KAZN: variants seen among roughly 807,000 people sequenced by gnomAD.
The protein encoded by KAZN is kazrin.
KAZN carries 40 observed loss-of-function variants against 87.4 expected under a neutral mutation model. That is an observed-to-expected ratio of 0.46 (90% CI 0.36 to 0.60). KAZN has a LOEUF of 0.60. Ranked by LOEUF, KAZN falls within the 20% of genes least tolerant of loss-of-function variation. KAZN has a pLI of 0.00. For missense variants in KAZN, 898 were observed against 1,073.9 expected, an observed-to-expected ratio of 0.84 and a Z score of 2.29; for synonymous variants, 466 against 458.3, an observed-to-expected ratio of 1.02 and a Z score of -0.22.
chr1:15,052,409 C>A lies in KAZN; in HGVS notation c.727-3682C>A, dbSNP rs12023519. On this transcript the variant is annotated intron_variant, in intron 4 of 14. Coordinates refer to ENST00000376030, the MANE Select transcript of KAZN (RefSeq NM_201628.3). ...CTTATTCACTGTCACAAGAACAGCA[C>A]GGGAAAAACCTGTCCCTATGATTCA... Among the ~76,000 whole-genome samples the A allele has an allele frequency of 4.3e-3, 652 of 152,170 alleles. 3 individuals carry two copies. Among genetic ancestry groups the A allele is most frequent in the South Asian group, 0.042 (204 of 4,820 alleles).
chr1:14,157,829 T>C (rs1310929100), intron 1 of KAZN, among the ~76,000 whole-genome samples: 1 of 152,070 alleles, frequency 6.6e-6, no homozygotes, highest in Non-Finnish European at 1.5e-5. Flanking sequence ...CTTACAATCA[T>C]GGAGGAAGGT....
intron 2 of KAZN, among the ~76,000 whole-genome samples, chr1:14,551,401 G>A (rs1044002358): frequency 6.6e-6 from 1 of 152,190 alleles, no homozygotes; most frequent in African/African-American, 2.4e-5. Context: ...CCCCTGTAGA[G>A]AATTTGGGAC....
chr1:13,975,571 T>C (rs750796846), intron 1 of KAZN, among the ~76,000 whole-genome samples: 82 of 152,240 alleles, frequency 5.4e-4, no homozygotes, highest in Admixed American at 2.9e-3. Context: ...AAACATGCTC[T>C]TGAGTCCCCA....
At chr1:14,641,919 G>A (rs1009294409) in intron 1 of KAZN, among the ~76,000 whole-genome samples, 6 of 152,348 alleles carry the variant, frequency 3.9e-5, no homozygotes, top group African/African-American at 9.6e-5. Flanking sequence ...AGTCACGTAC[G>A]TGACATAGGA....
chr1:14,444,369 A>G (rs545262362), intron 2 of KAZN, among the ~76,000 whole-genome samples: 2 of 142,944 alleles, frequency 1.4e-5, no homozygotes, highest in South Asian at 4.3e-4. Flanking sequence ...CTGGAGTGCA[A>G]TGGCACAATC....
In KAZN at chr1:14,479,079, G is replaced by A. The variant is rs7521466; in HGVS notation, c.250-119904G>A. On this transcript the variant is annotated intron_variant, in intron 2 of 16. Coordinates refer to the KAZN transcript ENST00000636203. ...GGATTAGAAACTGAAGTGTTTATCCGCCGGCTTCTATCCTCATTAGTTCAG... is the reference window on the plus strand; with the variant it reads ...GGATTAGAAACTGAAGTGTTTATCCACCGGCTTCTATCCTCATTAGTTCAG... 7.4e-3 allele frequency among the ~76,000 whole-genome samples: 1,127 copies of A among 152,274 alleles called. 13 individuals carry two copies. Among genetic ancestry groups the A allele is most frequent in the African/African-American group, 0.024 (1,008 of 41,548 alleles).
intron 1 of KAZN, among the ~76,000 whole-genome samples, chr1:14,783,525 C>T (rs1645417423): frequency 2.6e-5 from 4 of 152,112 alleles, no homozygotes; most frequent in Admixed American, 6.5e-5. Flanking sequence ...CTATGTGCCA[C>T]GTCCTGGGCT....
At chr1:14,668,642 C>T (rs1195627506) in intron 1 of KAZN, among the ~76,000 whole-genome samples, 1 of 152,120 alleles carries the variant, frequency 6.6e-6, no homozygotes, top group East Asian at 1.9e-4. Flanking sequence ...GGAGGTGTTG[C>T]CTCCTCCCCT....
chr1:13,979,815 C>T (rs995257906), intron 1 of KAZN, among the ~76,000 whole-genome samples: 3 of 151,784 alleles, frequency 2.0e-5, no homozygotes, highest in Admixed American at 6.6e-5. Context: ...CCTGTAGTCC[C>T]AGCTACTCGG....
chr1:15,076,081 A>G (rs1639729065), intron 8 of KAZN, among the ~76,000 whole-genome samples: 1 of 152,168 alleles, frequency 6.6e-6, no homozygotes, highest in Admixed American at 6.5e-5. Flanking sequence ...GCCTGTGGCC[A>G]GGGCATGTGG....
At chr1:15,092,179 C>T (rs539321419) in intron 8 of KAZN, among the ~76,000 whole-genome samples, 1 of 147,800 alleles carries the variant, frequency 6.8e-6, no homozygotes, top group South Asian at 2.1e-4. Context: ...TGGGTTCAAG[C>T]GATTCTCCTG....
chr1:14,823,612 C>T (rs910053177), intron 1 of KAZN, among the ~76,000 whole-genome samples: 2 of 151,990 alleles, frequency 1.3e-5, no homozygotes, highest in Non-Finnish European at 2.9e-5. Flanking sequence ...GAAGAATTAT[C>T]CCACCAAAAT....
intron 1 of KAZN, among the ~76,000 whole-genome samples, chr1:14,804,419 C>T (rs1053786315): frequency 6.6e-6 from 1 of 152,138 alleles, no homozygotes; most frequent in Non-Finnish European, 1.5e-5. Context: ...TGTCTCCCCA[C>T]TCAAAACTCC....
intron 7 of KAZN, among the ~76,000 whole-genome samples, chr1:15,064,711 G>A (rs189919826): frequency 5.9e-5 from 9 of 152,290 alleles, no homozygotes; most frequent in East Asian, 5.8e-4. Flanking sequence ...CATTGCCTTC[G>A]GCTGACGCAG....
intron 2 of KAZN, among the ~76,000 whole-genome samples, chr1:14,239,845 C>G (rs920538217): frequency 7.2e-5 from 11 of 152,048 alleles, no homozygotes; most frequent in Admixed American, 6.5e-5. Flanking sequence ...CCACAACCAA[C>G]AATGGGTGGG....
chr1:14,731,906 C>T (rs1224267569), intron 1 of KAZN, among the ~76,000 whole-genome samples: 2 of 152,210 alleles, frequency 1.3e-5, no homozygotes, highest in Non-Finnish European at 2.9e-5. Flanking sequence ...AGATCACATA[C>T]GTCAGTTACA....
intron 1 of KAZN, among the ~76,000 whole-genome samples, chr1:14,894,654 C>CTT (rs979773780): frequency 1.1e-4 from 17 of 152,224 alleles, no homozygotes; most frequent in African/African-American, 3.1e-4. Context: ...TTGCTAGACT[C>CTT]TAAGCTTCTT....
chr1:14,030,464 A>C (rs1007537752), intron 1 of KAZN, among the ~76,000 whole-genome samples: 1 of 151,666 alleles, frequency 6.6e-6, no homozygotes, highest in Admixed American at 6.6e-5. Context: ...TAGCATTGGG[A>C]GATACACCTA....
chr1:14,328,778 C>T (rs1286433694), intron 2 of KAZN, among the ~76,000 whole-genome samples: 2 of 138,502 alleles, frequency 1.4e-5, no homozygotes, highest in East Asian at 2.1e-4. Context: ...AAAAGCCCTC[C>T]AGATTCTATG....
Sources: allele counts gnomAD v4.1 joint callset (sites outside exome capture counted in the v4.1 genomes callset), GRCh38; gene constraint gnomAD v4.1.1; transcripts MANE v1.5; gene names NCBI Gene and HGNC (gene_info 2026-07-23, HGNC 2026-07-21).